MTCL1: variants seen among roughly 807,000 people sequenced by gnomAD.
The protein encoded by MTCL1 is microtubule crosslinking factor 1, also known as microtubule cross-linking factor 1.
A neutral mutation model predicts 141.4 loss-of-function variants in MTCL1; 79 were observed. The observed-to-expected ratio is 0.56, with a 90% CI of 0.47 to 0.67. The LOEUF (loss-of-function observed/expected upper bound fraction) is 0.67. Ranked by LOEUF, MTCL1 falls within the 30% of genes least tolerant of loss-of-function variation. The pLI, the probability that MTCL1 is intolerant of heterozygous loss-of-function variation, is 0.00. For synonymous variants in MTCL1, 914 were observed against 875.8 expected, an observed-to-expected ratio of 1.04 and a Z score of -0.77; for missense variants, 2,177 against 2,113.9, an observed-to-expected ratio of 1.03 and a Z score of -0.59.
intron 10 of MTCL1, among the ~76,000 whole-genome samples, chr18:8,804,069 C>G (rs1056088936): frequency 6.6e-6 from 1 of 152,102 alleles, no homozygotes; most frequent in Non-Finnish European, 1.5e-5. Context: ...TAATTATTTT[C>G]TGCTTGAAAT....
chr18:8,724,928 A>G (rs73939510), intron 4 of MTCL1, among the ~76,000 whole-genome samples: 8,756 of 150,664 alleles, frequency 0.058, 328 homozygotes, highest in African/African-American at 0.096. Context: ...CTAGGCACCC[A>G]CACGCCCTCT....
intron 1 of MTCL1, among the ~76,000 whole-genome samples, chr18:8,708,499 A>T (rs2148745859): frequency 6.6e-6 from 1 of 152,316 alleles, no homozygotes; most frequent in South Asian, 2.1e-4. Flanking sequence ...GGAGATGCTG[A>T]GAACCTAAAA....
At chr18:8,726,496 C>CGA (rs2096213997) in intron 4 of MTCL1, among the ~76,000 whole-genome samples, 1 of 91,532 alleles carries the variant, frequency 1.1e-5, no homozygotes, top group Non-Finnish European at 2.4e-5. Flanking sequence ...AGAGAGAGAG[C>CGA]GCGCGCGCGC....
At chr18:8,783,438 G>C in intron 5 of MTCL1, 92 bp from the exon 5 acceptor site, 1 of 1,155,182 alleles carries the variant, frequency 8.7e-7, no homozygotes, top group South Asian at 1.6e-5. Flanking sequence ...ATGTTTGTGT[G>C]CATTGGGGGC....
intron 12 of MTCL1, among the ~76,000 whole-genome samples, chr18:8,815,371 C>T (rs2076618219): frequency 1.3e-5 from 2 of 151,874 alleles, no homozygotes; most frequent in South Asian, 2.1e-4. Flanking sequence ...GTCGCAAGGA[C>T]AAAAAACCGA....
intron 4 of MTCL1, among the ~76,000 whole-genome samples, chr18:8,721,700 A>G (rs938452652): frequency 3.3e-5 from 5 of 151,776 alleles, no homozygotes; most frequent in Non-Finnish European, 7.4e-5. Context: ...TCACCTTCCC[A>G]TCTGACATAC....
At chr18:8,726,516 AGC>A (rs1567945174) in intron 4 of MTCL1, among the ~76,000 whole-genome samples, 2,771 of 122,930 alleles carry the variant, frequency 0.023, 65 homozygotes, top group African/African-American at 0.066. Context: ...CGCAAGAGCG[AGC>A]GAGAGAGAGC....
chr18:8,823,452 G>A (rs1009225425), intron 14 of MTCL1, among the ~76,000 whole-genome samples: 4 of 152,198 alleles, frequency 2.6e-5, no homozygotes, highest in Non-Finnish European at 2.9e-5. Flanking sequence ...AGTCCCCAGC[G>A]AACAGTGTTC....
At chr18:8,807,115 A>T (rs1455380974) in intron 11 of MTCL1, 55 bp downstream of exon 10, 1 of 1,547,706 alleles carries the variant, frequency 6.5e-7, no homozygotes. Flanking sequence ...GCTGTCCAGG[A>T]TATGTGGCGG....
rs776078279 is a variant in MTCL1 at position 8,784,796 on chromosome 18, G to A, written c.1684G>A (p.Asp562Asn). Residue 562 changes from aspartate to asparagine, a missense_variant, in exon 6 of 17, where the codon GAC becomes AAC. By Grantham distance (23) the Asp-to-Asn change is conservative. Coordinates refer to ENST00000359865, the Ensembl canonical transcript of MTCL1. ...CTCCACTGTGACTTCCGTGTCCCGG[G>A]ACTCCCCCATCGGGAACCTGGGGAA... 6 of 1,610,966 alleles carry A rather than the reference G, an allele frequency of 3.7e-6. No individual in the cohort carries two copies. The South Asian group carries it at 6.6e-5, about 18-fold the overall frequency.
At chr18:8,794,214 TTATCAC>T (rs1238391387) in intron 8 of MTCL1, among the ~76,000 whole-genome samples, 1 of 152,240 alleles carries the variant, frequency 6.6e-6, no homozygotes, top group Non-Finnish European at 1.5e-5. Flanking sequence ...AAAAGTGAGT[TTATCAC>T]TGAAGATGCT....
intron 7 of MTCL1, chr18:8,786,710 C>A: frequency 4.3e-6 from 1 of 232,722 alleles, no homozygotes; most frequent in Non-Finnish European, 8.7e-6. Context: ...GCGGGTCACC[C>A]GACCCGGGAC....
chr18:8,776,808 T>G (rs1282252771), intron 4 of MTCL1, among the ~76,000 whole-genome samples: 1 of 152,072 alleles, frequency 6.6e-6, no homozygotes, highest in African/African-American at 2.4e-5. Context: ...CAGGCTAAAG[T>G]ACATGGCTAT....
chr18:8,724,975 T>C (rs1390908502), intron 4 of MTCL1, among the ~76,000 whole-genome samples: 1 of 151,836 alleles, frequency 6.6e-6, no homozygotes. Flanking sequence ...ATCTTTTTTT[T>C]TTTTTCTGAT....
At chr18:8,776,982 C>G (rs1277802196) in intron 4 of MTCL1, among the ~76,000 whole-genome samples, 5 of 151,950 alleles carry the variant, frequency 3.3e-5, no homozygotes, top group Non-Finnish European at 7.3e-5. Context: ...CGCCTGCAAT[C>G]CCAGCACTTT....
chr18:8,764,379 G>A (rs1320739975), intron 4 of MTCL1, among the ~76,000 whole-genome samples: 2 of 151,422 alleles, frequency 1.3e-5, no homozygotes, highest in Admixed American at 1.3e-4. Flanking sequence ...GTGCGGTGGT[G>A]CAATCTTGGC....
exon 15 of MTCL1, chr18:8,825,062 C>G: frequency 6.2e-7 from 1 of 1,612,742 alleles, no homozygotes; most frequent in Non-Finnish European, 8.5e-7. Context: ...GCCACGTCCT[C>G]ACCGAGCAGT....
intron 11 of MTCL1, 91 bp downstream of exon 10, chr18:8,807,151 A>G: frequency 1.5e-6 from 2 of 1,307,236 alleles, no homozygotes; most frequent in Non-Finnish European, 1.0e-6. Context: ...GAGATTCAGA[A>G]CCATGGGCTT....
chr18:8,761,349 G>A (rs546784588), intron 4 of MTCL1, among the ~76,000 whole-genome samples: 11 of 152,278 alleles, frequency 7.2e-5, no homozygotes, highest in South Asian at 2.1e-4. Flanking sequence ...TACACATAAC[G>A]TAAAAGTTAC....
Sources: allele counts gnomAD v4.1 joint callset (sites outside exome capture counted in the v4.1 genomes callset), GRCh38; gene constraint gnomAD v4.1.1; transcripts MANE v1.5; gene names NCBI Gene and HGNC (gene_info 2026-07-23, HGNC 2026-07-21).